GOLM2: variants seen among roughly 807,000 people sequenced by gnomAD.
The protein encoded by GOLM2 is protein GOLM2.
A neutral mutation model predicts 55.9 loss-of-function variants in GOLM2; 26 were observed. The observed-to-expected ratio is 0.47, with a 90% CI of 0.34 to 0.65. The LOEUF (loss-of-function observed/expected upper bound fraction) is 0.65, where lower values mean the gene tolerates loss of function less well. GOLM2 is among the 30% of genes least tolerant of loss of function. The pLI is 0.01. For synonymous variants in GOLM2, 165 were observed against 194.6 expected, an observed-to-expected ratio of 0.85 and a Z score of 1.27; for missense variants, 486 against 531.8, an observed-to-expected ratio of 0.91 and a Z score of 0.85.
Position 44,380,785 on chromosome 15 carries a change from T to A in GOLM2, c.902-21T>A, listed in dbSNP as rs745941245. On this transcript the variant is annotated intron_variant, in intron 7 of 9. Coordinates refer to ENST00000299957, the MANE Select transcript of GOLM2 (RefSeq NM_138423.4). ...ATTAAATTAAATTATATTCTTTTAA[T>A]TTGATGTTTTTATGCCACAGATTCA... 30 of 1,428,498 alleles carry A rather than the reference T, an allele frequency of 2.1e-5. No individual in the cohort carries two copies. In the East Asian group the frequency reaches 6.3e-4, roughly 30 times the overall value. 88.5% of individuals were successfully genotyped at this position (1,428,498 alleles called of 1,614,324 possible).
intron 1 of GOLM2, among the ~76,000 whole-genome samples, chr15:44,300,104 A>G (rs1034045607): frequency 6.6e-5 from 10 of 151,192 alleles, no homozygotes; most frequent in Non-Finnish European, 1.2e-4. Flanking sequence ...GTCTCAAAAA[A>G]AGAAAGAAAA....
intron 1 of GOLM2, among the ~76,000 whole-genome samples, chr15:44,322,392 G>T (rs1404214171): frequency 6.6e-6 from 1 of 152,138 alleles, no homozygotes; most frequent in Non-Finnish European, 1.5e-5. Context: ...TTTCCATGGT[G>T]CTACTTCTGA....
At chr15:44,351,520 T>G (rs1403517589) in intron 6 of GOLM2, among the ~76,000 whole-genome samples, 1 of 137,076 alleles carries the variant, frequency 7.3e-6, no homozygotes, top group Non-Finnish European at 1.5e-5. Flanking sequence ...CAGCTTGCAG[T>G]GAGCTGAGAT....
chr15:44,384,603 C>T lies in GOLM2; in HGVS notation c.1072+3627C>T, dbSNP rs201076261. Among the ~76,000 whole-genome samples the T allele has an allele frequency of 3.3e-4, 50 of 152,094 alleles. No individual in the cohort carries two copies. The South Asian group carries it at 4.8e-3, about 15-fold the overall frequency. ...CTACTAAAAATACAAAAAAATTAGC[C>T]GGGCGTGGTGGCGGGCGCCTGTAGT... On this transcript the variant is annotated intron_variant, in intron 8 of 9. Transcript: ENST00000299957.
At chr15:44,328,606 A>G in intron 2 of GOLM2, 79 bp from the exon 3 acceptor site, 1 of 872,982 alleles carries the variant, frequency 1.1e-6, no homozygotes, top group Non-Finnish European at 1.8e-6. Flanking sequence ...TATAATTAAA[A>G]AAACATCCCA....
At chr15:44,335,477 T>C (rs545850627) in intron 4 of GOLM2, among the ~76,000 whole-genome samples, 2 of 152,296 alleles carry the variant, frequency 1.3e-5, no homozygotes, top group Admixed American at 1.3e-4. Context: ...AACAGTAGCT[T>C]GTTGACTTTT....
chr15:44,312,727 C>T (rs2078882554), intron 1 of GOLM2, among the ~76,000 whole-genome samples: 2 of 152,042 alleles, frequency 1.3e-5, no homozygotes, highest in South Asian at 4.1e-4. Context: ...AGGCAGATCA[C>T]TTGAGGTCAG....
chr15:44,369,788 C>G (rs2079318085), intron 6 of GOLM2, among the ~76,000 whole-genome samples: 1 of 151,280 alleles, frequency 6.6e-6, no homozygotes, highest in African/African-American at 2.4e-5. Flanking sequence ...AAGACTCCAT[C>G]TTAAATAAAT....
chr15:44,290,764 C>A (rs1425997260), intron 1 of GOLM2, among the ~76,000 whole-genome samples: 1 of 152,176 alleles, frequency 6.6e-6, no homozygotes, highest in East Asian at 1.9e-4. Context: ...TGATTCCATT[C>A]TTTCATCCAT....
At chr15:44,351,869 A>G (rs2079167510) in intron 6 of GOLM2, among the ~76,000 whole-genome samples, 1 of 152,180 alleles carries the variant, frequency 6.6e-6, no homozygotes, top group Admixed American at 6.5e-5. Context: ...TTACCAAAGA[A>G]ATGAAAGATC....
At chr15:44,360,533 G>A (rs1043334848) in intron 6 of GOLM2, among the ~76,000 whole-genome samples, 1 of 152,118 alleles carries the variant, frequency 6.6e-6, no homozygotes, top group African/African-American at 2.4e-5. Context: ...CCCAGTACAG[G>A]AGCACCCAGA....
intron 2 of GOLM2, among the ~76,000 whole-genome samples, chr15:44,324,896 A>G (rs1286339695): frequency 1.3e-5 from 2 of 152,092 alleles, no homozygotes; most frequent in East Asian, 3.8e-4. Context: ...TGTACAATCA[A>G]CCTGACTCGT....
At chr15:44,386,102 C>T (rs183504509) in intron 8 of GOLM2, among the ~76,000 whole-genome samples, 4 of 152,212 alleles carry the variant, frequency 2.6e-5, no homozygotes, top group African/African-American at 9.6e-5. Context: ...TCTAAGAAAC[C>T]AGTGCCAAAA....
At chr15:44,396,383 CAT>C (rs953491802) in intron 8 of GOLM2, among the ~76,000 whole-genome samples, 1 of 151,940 alleles carries the variant, frequency 6.6e-6, no homozygotes, top group Non-Finnish European at 1.5e-5. Flanking sequence ...TTTAATAAAA[CAT>C]AAAATTTTAG....
intron 4 of GOLM2, among the ~76,000 whole-genome samples, chr15:44,336,647 T>TG (rs879513070): frequency 7.2e-5 from 11 of 151,750 alleles, no homozygotes; most frequent in Admixed American, 2.6e-4. Context: ...CCGGGTACGG[T>TG]GGCTCACGCC....
chr15:44,352,786 A>T (rs536378011), intron 6 of GOLM2, among the ~76,000 whole-genome samples: 2 of 152,110 alleles, frequency 1.3e-5, no homozygotes, highest in South Asian at 4.2e-4. Flanking sequence ...GGCACCTGTA[A>T]TCCCAACTAC....
At chr15:44,305,079 A>C (rs1360667235) in intron 1 of GOLM2, among the ~76,000 whole-genome samples, 1 of 152,020 alleles carries the variant, frequency 6.6e-6, no homozygotes, top group Non-Finnish European at 1.5e-5. Context: ...GGCTCACTGC[A>C]GCCTTGACCT....
rs953873279 is a variant in GOLM2, at chr15:44,351,592, A to C, written c.802+13275A>C. Reference sequence around the variant, plus strand: ...ACTCTGTCTCAAAAAAAAAAAAAAAAAAAAAACACAGACAAACAAAGAACA... The same window carrying C: ...ACTCTGTCTCAAAAAAAAAAAAAAACAAAAAACACAGACAAACAAAGAACA... On this transcript the variant is annotated intron_variant, in intron 6 of 9. Transcript: ENST00000299957. Among the ~76,000 whole-genome samples, 11 of 149,910 alleles carry C rather than the reference A, an allele frequency of 7.3e-5. No individual in the cohort carries two copies. The East Asian group carries it at 7.8e-4, about 11-fold the overall frequency.
chr15:44,333,272 A>G (rs1316391979), intron 4 of GOLM2, among the ~76,000 whole-genome samples: 1 of 152,208 alleles, frequency 6.6e-6, no homozygotes, highest in Admixed American at 6.5e-5. Context: ...CTAACCAGGC[A>G]TGATTTTTAT....
Sources: gnomAD v4.1 joint callset for allele counts (sites outside exome capture counted in the v4.1 genomes callset) on GRCh38, gnomAD v4.1.1 for gene constraint, MANE v1.5 for transcripts, NCBI Gene and HGNC (gene_info 2026-07-23, HGNC 2026-07-21) for gene names.